Variants in DCAKD observed in about 807,000 individuals in gnomAD.
The protein encoded by DCAKD is dephospho-CoA kinase domain-containing protein.
Under a neutral mutation model 18.7 loss-of-function variants are expected in DCAKD, and 15 were observed. The observed-to-expected ratio is 0.80, with a 90% CI of 0.54 to 1.24. The LOEUF is 1.24. DCAKD is among the 50% of genes most tolerant of loss of function. The pLI, the probability that DCAKD is intolerant of heterozygous loss-of-function variation, is 0.00. For synonymous variants in DCAKD, 130 were observed against 133.0 expected, an observed-to-expected ratio of 0.98 and a Z score of 0.16; for missense variants, 301 against 322.0, an observed-to-expected ratio of 0.93 and a Z score of 0.50.
chr17:45,054,020 T>C (rs759003902), upstream of DCAKD: 3 of 505,034 alleles, frequency 5.9e-6, no homozygotes, highest in Non-Finnish European at 7.9e-6. Flanking sequence ...AGGAATTAAG[T>C]AATTTAACAT....
intron 1 of DCAKD, among the ~76,000 whole-genome samples, chr17:45,043,468 G>A (rs1271896447): frequency 6.6e-6 from 1 of 152,170 alleles, no homozygotes; most frequent in African/African-American, 2.4e-5. Flanking sequence ...GTAAGCCAAG[G>A]CCATGGTGCC....
At chr17:45,038,694 G>A (rs533418085) in intron 1 of DCAKD, among the ~76,000 whole-genome samples, 188 of 152,294 alleles carry the variant, frequency 1.2e-3, no homozygotes, top group Middle Eastern at 3.4e-3. Flanking sequence ...AGCCTCCCGG[G>A]TTACCTAATG....
At chr17:45,027,990 T>TAAA (rs573749050) in intron 4 of DCAKD, among the ~76,000 whole-genome samples, 1 of 115,454 alleles carries the variant, frequency 8.7e-6, no homozygotes. Flanking sequence ...CATCTCAATT[T>TAAA]AAAAAAAAAA....
At chr17:45,034,158 C>A (rs2053233041) in intron 3 of DCAKD, 29 bp downstream of exon 3, 3 of 1,472,566 alleles carry the variant, frequency 2.0e-6, no homozygotes, top group Non-Finnish European at 2.8e-6. Context: ...AAGGAGGCCC[C>A]GCCCCCCGCC....
At chr17:45,026,072 C>T (rs901112098) in intron 4 of DCAKD, among the ~76,000 whole-genome samples, 37 of 152,098 alleles carry the variant, frequency 2.4e-4, no homozygotes, top group Non-Finnish European at 7.4e-5. Flanking sequence ...GCGTGCAACA[C>T]CATGCCCAGC....
chr17:45,028,004 A>AAAAGC (rs1322293345), intron 4 of DCAKD, among the ~76,000 whole-genome samples: 1 of 151,656 alleles, frequency 6.6e-6, no homozygotes, highest in Non-Finnish European at 1.5e-5. Flanking sequence ...AAAAAAAAAA[A>AAAAGC]AAAGCAAAGC....
chr17:45,040,271 C>T (rs576346303), intron 1 of DCAKD, among the ~76,000 whole-genome samples: 1 of 151,938 alleles, frequency 6.6e-6, no homozygotes, highest in African/African-American at 2.4e-5. Flanking sequence ...CCTGTAATCC[C>T]AGCTACTCGG....
At chr17:45,058,324 T>C (rs1026911394) in intron 1 of DCAKD, among the ~76,000 whole-genome samples, 3 of 151,984 alleles carry the variant, frequency 2.0e-5, no homozygotes, top group African/African-American at 7.2e-5. Flanking sequence ...AAAATAATAA[T>C]AAATAAAAAT....
chr17:45,056,532 G>A (rs1039810770), upstream of DCAKD, among the ~76,000 whole-genome samples: 1 of 152,010 alleles, frequency 6.6e-6, no homozygotes, highest in Non-Finnish European at 1.5e-5. Flanking sequence ...GGAGTGCAAT[G>A]GTGCGATCTC....
chr17:45,034,684 C>CT, intron 2 of DCAKD, 90 bp downstream of exon 2: 1 of 1,397,654 alleles, frequency 7.2e-7, no homozygotes, highest in Non-Finnish European at 9.8e-7. Context: ...TTCCCCTCCT[C>CT]TGAGACTTAT....
At chr17:45,025,307 T>C (rs1220878034) in intron 4 of DCAKD, among the ~76,000 whole-genome samples, 1 of 152,162 alleles carries the variant, frequency 6.6e-6, no homozygotes, top group Admixed American at 6.5e-5. Flanking sequence ...GCTAAGATGG[T>C]ATCTCTTGTG....
intron 1 of DCAKD, 96 bp from the exon 2 acceptor site, chr17:45,035,095 G>A (rs2053264714): frequency 1.8e-6 from 1 of 560,128 alleles, no homozygotes; most frequent in South Asian, 2.0e-5. Context: ...TGGCTGGGGA[G>A]GGACATGTCC....
upstream of DCAKD, among the ~76,000 whole-genome samples, chr17:45,056,260 C>T (rs12601576): frequency 0.66 from 100,481 of 151,560 alleles, 33,939 homozygotes; most frequent in African/African-American, 0.78. Flanking sequence ...GTTATCATAC[C>T]AGTAATGCTG....
chr17:45,029,979 C>G, intron 4 of DCAKD, 113 bp downstream of exon 4: 2 of 932,706 alleles, frequency 2.1e-6, no homozygotes, highest in Admixed American at 1.7e-5. Context: ...CTGCCCAAAC[C>G]CCCATGCCTC....
chr17:45,046,319 T>C (rs1318745371), intron 1 of DCAKD, among the ~76,000 whole-genome samples: 1 of 151,876 alleles, frequency 6.6e-6, no homozygotes, highest in Non-Finnish European at 1.5e-5. Context: ...AAATGGAAGT[T>C]AAAAGAAGTT....
chr17:45,034,799 A>G lies in DCAKD; in HGVS notation c.87T>C (p.Ile29=). ...CGTGCCGGGCCATCACGTCCACGTC[A>G]ATCACCGCACAGCCCAGCTGCTGGA... ...QVFQQLGCAV[I]DVDVMARHVV... The change falls in exon 2 of 5, where the codon ATT becomes ATC. Residue 29 remains isoleucine (I), a synonymous_variant. Coordinates refer to ENST00000651974, the MANE Select transcript of DCAKD (RefSeq NM_001288655.2). 6.2e-7 allele frequency: 1 copy of G among 1,614,184 alleles called. No individual in the cohort carries two copies. The highest frequency in any genetic ancestry group is 8.5e-7 in the Non-Finnish European group (1 of 1,180,042).
At chr17:45,027,177 C>T (rs537054596) in intron 4 of DCAKD, among the ~76,000 whole-genome samples, 2 of 152,094 alleles carry the variant, frequency 1.3e-5, no homozygotes, top group East Asian at 1.9e-4. Context: ...CCAATCTCTA[C>T]AAAAAATAAA....
At position 45,034,272 on chromosome 17, in the gene DCAKD, AG is replaced by A; in HGVS notation, c.230del (p.Pro77LeufsTer19). 1 of 1,614,190 alleles carries A rather than the reference AG, an allele frequency of 6.2e-7. No individual in the cohort carries two copies. The highest frequency in any genetic ancestry group is 8.5e-7 in the Non-Finnish European group (1 of 1,180,042). ...KVLGDLIFNQ[P>X]DRRQLLNAIT... Reference sequence around the variant, plus strand: ...TGGCGTTGAGCAGCTGCCGCCGGTCAGGCTGGTTAAAGATCAGGTCCCCCAG... The same window carrying A: ...TGGCGTTGAGCAGCTGCCGCCGGTCAGCTGGTTAAAGATCAGGTCCCCCAG... On this transcript the variant is annotated frameshift_variant, in exon 3 of 5. Transcript: ENST00000651974. LOFTEE classifies it high-confidence loss of function.
chr17:45,049,520 C>A (rs374156863), intron 1 of DCAKD, among the ~76,000 whole-genome samples: 1 of 148,220 alleles, frequency 6.7e-6, no homozygotes, highest in African/African-American at 2.5e-5. Flanking sequence ...TGAGGGAAAT[C>A]AAATCAAATG....
Sources: allele counts gnomAD v4.1 joint callset (sites outside exome capture counted in the v4.1 genomes callset), GRCh38; gene constraint gnomAD v4.1.1; transcripts MANE v1.5; gene names NCBI Gene and HGNC (gene_info 2026-07-23, HGNC 2026-07-21).